CAT: variants seen among roughly 807,000 people sequenced by gnomAD.
CAT encodes catalase.
Under a neutral mutation model 59.0 loss-of-function variants are expected in CAT, and 43 were observed. The observed-to-expected ratio is 0.73, with a 90% CI of 0.57 to 0.94. The LOEUF (loss-of-function observed/expected upper bound fraction) is 0.94, where lower values mean the gene tolerates loss of function less well. Among genes scored for constraint, CAT ranks in the 40% least tolerant of loss-of-function variants. The probability of loss-of-function intolerance (pLI) is 0.00; values close to 1 mark genes in which losing one functional copy is unlikely to be tolerated. For missense variants in CAT, 664 were observed against 682.9 expected, an observed-to-expected ratio of 0.97 and a Z score of 0.31; for synonymous variants, 218 against 230.9, an observed-to-expected ratio of 0.94 and a Z score of 0.51.
intron 1 of CAT, among the ~76,000 whole-genome samples, chr11:34,440,153 C>G (rs945511062): frequency 6.6e-6 from 1 of 152,184 alleles, no homozygotes; most frequent in Non-Finnish European, 1.5e-5. Flanking sequence ...TTTCCCTATT[C>G]TGCCTAGTGC....
At chr11:34,454,860 A>G (rs1856570833) in intron 6 of CAT, among the ~76,000 whole-genome samples, 1 of 152,190 alleles carries the variant, frequency 6.6e-6, no homozygotes, top group African/African-American at 2.4e-5. Context: ...ACTCTCCTAG[A>G]TAATTGTGGC....
At chr11:34,453,967 C>T (rs1423137881) in intron 6 of CAT, 41 bp downstream of exon 6, 24 of 1,602,130 alleles carry the variant, frequency 1.5e-5, no homozygotes, top group African/African-American at 1.1e-4. Context: ...AGGCTCCTAC[C>T]GCATACCTCC....
intron 1 of CAT, among the ~76,000 whole-genome samples, chr11:34,446,697 GCTT>G (rs2133179271): frequency 6.6e-6 from 1 of 152,026 alleles, no homozygotes; most frequent in East Asian, 1.9e-4. Context: ...CTTTTACTGA[GCTT>G]CTTGGTATCT....
chr11:34,459,978 A>T (rs1221235512), intron 8 of CAT, among the ~76,000 whole-genome samples: 1 of 152,240 alleles, frequency 6.6e-6, no homozygotes, highest in Non-Finnish European at 1.5e-5. Flanking sequence ...CAAAAGCAAA[A>T]TATTGACAGA....
intron 8 of CAT, among the ~76,000 whole-genome samples, chr11:34,460,446 C>CCTTTTT (rs764827639): frequency 3.6e-5 from 3 of 84,500 alleles, no homozygotes; most frequent in African/African-American, 5.6e-5. Context: ...GTGGGCGGTA[C>CCTTTTT]TTTTTTTTTT....
At chr11:34,455,825 G>A (rs1365405262) in intron 6 of CAT, among the ~76,000 whole-genome samples, 186 bp from the exon 7 acceptor site, 3 of 152,054 alleles carry the variant, frequency 2.0e-5, no homozygotes, top group African/African-American at 7.2e-5. Context: ...TAAAAGTATT[G>A]GGATAATCAA....
intron 10 of CAT, among the ~76,000 whole-genome samples, chr11:34,464,653 C>T (rs1856692951): frequency 6.6e-6 from 1 of 151,936 alleles, no homozygotes; most frequent in Non-Finnish European, 1.5e-5. Context: ...GTGGGCGTTT[C>T]CACTGCAGGG....
intron 10 of CAT, among the ~76,000 whole-genome samples, chr11:34,466,940 TGAAGA>T (rs1856726605): frequency 1.3e-5 from 2 of 152,140 alleles, no homozygotes; most frequent in African/African-American, 2.4e-5. Flanking sequence ...TTAACATGGC[TGAAGA>T]GAAGATTAGT....
In CAT at chr11:34,449,270, C is replaced by T. The variant is rs746102619; in HGVS notation, c.145C>T (p.Pro49Ser). ...LNVITVGPRG[P>S]LLVQDVVFTD... The stretch of plus-strand genomic sequence containing the variant: ...TGTTATTACAGTAGGGCCCCGTGGG[C>T]CCCTTCTTGTTCAGGATGTGGTTTT... Residue 49 changes from proline (P) to serine (S), a missense_variant, in exon 2 of 13, where the codon CCC (proline) becomes TCC (serine). Coordinates refer to ENST00000241052, the MANE Select transcript of CAT (RefSeq NM_001752.4). The T allele has an allele frequency of 2.5e-6, 4 of 1,613,196 alleles. No homozygotes were observed. The highest frequency in any genetic ancestry group is 3.4e-6 in the Non-Finnish European group (4 of 1,179,104).
chr11:34,440,286 T>G lies in CAT; in HGVS notation c.66+1207T>G, dbSNP rs538353325. Among the ~76,000 whole-genome samples, 5 of 152,326 alleles carry G rather than the reference T, an allele frequency of 3.3e-5. No homozygotes were observed. The East Asian group carries it at 9.6e-4, about 29-fold the overall frequency. ...CTCCAAGGGCCTGGAAAATCTCCCCTCTTGGCCCTGTTCTTTGTTATATAC... is the reference window on the plus strand; with the variant it reads ...CTCCAAGGGCCTGGAAAATCTCCCCGCTTGGCCCTGTTCTTTGTTATATAC... On this transcript the variant is annotated intron_variant, in intron 1 of 12. Coordinates refer to ENST00000241052, the MANE Select transcript of CAT (RefSeq NM_001752.4).
chr11:34,447,396 A>G (rs1164097527), intron 1 of CAT, among the ~76,000 whole-genome samples: 1 of 152,126 alleles, frequency 6.6e-6, no homozygotes, highest in Admixed American at 6.5e-5. Flanking sequence ...TTCATTTTCT[A>G]CTTTAGAAAG....
At chr11:34,444,953 G>T (rs1043728445) in intron 1 of CAT, among the ~76,000 whole-genome samples, 1 of 152,190 alleles carries the variant, frequency 6.6e-6, no homozygotes, top group African/African-American at 2.4e-5. Flanking sequence ...AAAGGTGTTT[G>T]ATCAGAATTT....
chr11:34,466,585 G>A (rs2133859388), intron 10 of CAT, among the ~76,000 whole-genome samples: 1 of 152,042 alleles, frequency 6.6e-6, no homozygotes, highest in South Asian at 2.1e-4. Context: ...AGACCATCCT[G>A]GCTAACACGG....
intron 8 of CAT, among the ~76,000 whole-genome samples, chr11:34,457,316 G>A (rs937926907): frequency 2.1e-5 from 3 of 145,224 alleles, no homozygotes; most frequent in Non-Finnish European, 4.5e-5. Context: ...AGGTTCAAGC[G>A]ATCCTCCTGC....
rs1202991502 is a variant in CAT, at chr11:34,471,806, AAAG to A, written c.*376_*378del. On this transcript the variant is annotated 3_prime_UTR_variant, in exon 13 of 13. Coordinates refer to ENST00000241052, the MANE Select transcript of CAT (RefSeq NM_001752.4). The stretch of plus-strand genomic sequence containing the variant: ...TTAAAATATGGCTATAAATATATAA[AAAG>A]AAAAGATAAAGATGATCTACTCAGA... 4.5e-6 allele frequency: 1 copy of A among 220,134 alleles called. No homozygotes were observed. Among genetic ancestry groups the A allele is most frequent in the Non-Finnish European group, 9.2e-6 (1 of 108,150 alleles). The allele number at this position is 220,134 out of a possible 1,614,324, so 13.6% of individuals were successfully genotyped here. A position where few individuals can be genotyped will look rare whatever the true frequency, so the allele number is the denominator to read the frequency against.
intron 8 of CAT, among the ~76,000 whole-genome samples, chr11:34,459,363 T>C (rs1286658811): frequency 6.6e-6 from 1 of 152,180 alleles, no homozygotes; most frequent in Non-Finnish European, 1.5e-5. Flanking sequence ...TAATGGGCAG[T>C]GTTTACAGGT....
chr11:34,445,528 A>C (rs555587989), intron 1 of CAT, among the ~76,000 whole-genome samples: 1 of 149,982 alleles, frequency 6.7e-6, no homozygotes, highest in Admixed American at 6.6e-5. Context: ...AAAAAGAAAA[A>C]CAGTGACATA....
Position 34,449,194 on chromosome 11 carries a change from A to G in CAT, c.69A>G (p.Lys23=), listed in dbSNP as rs543212038. 1 of 1,614,058 alleles carries G rather than the reference A, an allele frequency of 6.2e-7. No homozygotes were observed. Among genetic ancestry groups the G allele is most frequent in the Non-Finnish European group, 8.5e-7 (1 of 1,179,896 alleles). The change falls in exon 2 of 13, where the codon AAA becomes AAG. Residue 23 remains lysine (K), a splice_region_variant and synonymous_variant. Transcript: ENST00000241052. ...ACTTTCTTTCTGTGTTCCTGTAGAAAGCTGATGTCCTGACCACTGGAGCTG... is the reference window on the plus strand; with the variant it reads ...ACTTTCTTTCTGTGTTCCTGTAGAAGGCTGATGTCCTGACCACTGGAGCTG... ...QHWKEQRAAQ[K]ADVLTTGAGN...
intron 2 of CAT, among the ~76,000 whole-genome samples, chr11:34,450,164 A>G (rs1166729361): frequency 1.3e-5 from 2 of 152,200 alleles, no homozygotes; most frequent in African/African-American, 4.8e-5. Flanking sequence ...GAACAAAACA[A>G]TGTTGTTTGA....
Sources: allele counts gnomAD v4.1 joint callset (sites outside exome capture counted in the v4.1 genomes callset), GRCh38; gene constraint gnomAD v4.1.1; transcripts MANE v1.5; gene names NCBI Gene and HGNC (gene_info 2026-07-23, HGNC 2026-07-21).